ASB1: variants seen among roughly 807,000 people sequenced by gnomAD.
The protein encoded by ASB1 is ankyrin repeat and SOCS box containing 1, also known as ankyrin repeat and SOCS box protein 1.
Under a neutral mutation model 27.7 loss-of-function variants are expected in ASB1, and 18 were observed. The observed-to-expected ratio is 0.65, with a 90% CI of 0.45 to 0.96. ASB1 has a LOEUF of 0.96. Ranked by LOEUF, ASB1 falls within the 50% of genes least tolerant of loss-of-function variation. ASB1 has a pLI of 0.00. For missense variants in ASB1, 397 were observed against 451.7 expected (o/e 0.88, Z 1.10); for synonymous variants, 189 against 187.6 (o/e 1.01, Z -0.06).
chr2:238,432,774 T>A (rs964488586), intron 1 of ASB1, among the ~76,000 whole-genome samples: 5 of 151,750 alleles, frequency 3.3e-5, no homozygotes, highest in African/African-American at 1.2e-4. Context: ...TGAGACCGAG[T>A]CTCACTCAGT....
At chr2:238,445,006 G>T (rs529490011) in intron 4 of ASB1, among the ~76,000 whole-genome samples, 1 of 134,832 alleles carries the variant, frequency 7.4e-6, no homozygotes, top group African/African-American at 2.7e-5. Flanking sequence ...TTTTGAGGCA[G>T]GGTCTGGTTC....
chr2:238,432,173 C>G (rs909697904), intron 1 of ASB1, among the ~76,000 whole-genome samples: 3 of 152,236 alleles, frequency 2.0e-5, no homozygotes, highest in African/African-American at 7.2e-5. Context: ...GTTCTGTTAC[C>G]TAGTAGGGTA....
chr2:238,435,621 C>A, intron 2 of ASB1, 90 bp from the exon 3 acceptor site: 1 of 1,341,814 alleles, frequency 7.5e-7, no homozygotes, highest in Non-Finnish European at 1.0e-6. Flanking sequence ...AGAGGGGGAC[C>A]GTGTCCATGC....
intron 2 of ASB1, among the ~76,000 whole-genome samples, 161 bp from the exon 3 acceptor site, chr2:238,435,550 C>T (rs573141559): frequency 7.4e-4 from 112 of 152,186 alleles, no homozygotes; most frequent in Non-Finnish European, 1.4e-3. Flanking sequence ...GCCCCGGTCC[C>T]GCAGGGGAAA....
chr2:238,440,482 T>G (rs112684208), intron 3 of ASB1, among the ~76,000 whole-genome samples: 3 of 152,322 alleles, frequency 2.0e-5, no homozygotes, highest in African/African-American at 7.2e-5. Context: ...CTCCACATAC[T>G]GCCTGTGTTG....
Position 238,446,778 on chromosome 2 carries a change from T to A in ASB1, c.*267T>A. 2.3e-6 allele frequency: 1 copy of A among 439,328 alleles called. No individual in the cohort carries two copies. The highest frequency in any genetic ancestry group is 5.1e-5 in the East Asian group (1 of 19,518). The allele number at this position is 439,328 out of a possible 1,614,324, so 27.2% of individuals were successfully genotyped here. ...AGTTGCATATTAATGTAACGGGCCA[T>A]GGGGTATGTACATGTAGGGGCTGAG... On this transcript the variant is annotated 3_prime_UTR_variant, in exon 5 of 5. Coordinates refer to ENST00000264607, the MANE Select transcript of ASB1 (RefSeq NM_001040445.3).
rs756136114 is a variant in ASB1 at position 238,446,375 on chromosome 2, G to A, written c.881-9G>A. 55 of 1,583,070 alleles carry A rather than the reference G, an allele frequency of 3.5e-5. No homozygotes were observed. Among genetic ancestry groups the A allele is most frequent in the Non-Finnish European group, 4.2e-5 (49 of 1,166,380 alleles). ...CCTCTATCCCTCTCTTTCTTCCCAC[G>A]GCCTTCAGGTGTTCCCAGAACCTTG... is the stretch of plus-strand genomic sequence containing the variant. On this transcript the variant is annotated splice_polypyrimidine_tract_variant and intron_variant, in intron 4 of 4. Coordinates refer to ENST00000264607, the MANE Select transcript of ASB1 (RefSeq NM_001040445.3).
chr2:238,445,413 C>T (rs1335602278), intron 4 of ASB1, among the ~76,000 whole-genome samples: 2 of 152,214 alleles, frequency 1.3e-5, no homozygotes, highest in Non-Finnish European at 2.9e-5. Context: ...GTTCCTTACT[C>T]TCCTTTCTTC....
chr2:238,442,277 A>G (rs1702092502), intron 3 of ASB1, among the ~76,000 whole-genome samples: 1 of 151,820 alleles, frequency 6.6e-6, no homozygotes, highest in South Asian at 2.1e-4. Context: ...ACACCCGGCT[A>G]ATTTTTGTGT....
At chr2:238,442,914 A>G (rs773681714) in intron 3 of ASB1, among the ~76,000 whole-genome samples, 7 of 152,226 alleles carry the variant, frequency 4.6e-5, no homozygotes, top group Non-Finnish European at 1.0e-4. Context: ...TTTTGTTCAC[A>G]TACCAGTGCC....
At chr2:238,432,056 T>C (rs901772588) in intron 1 of ASB1, among the ~76,000 whole-genome samples, 1 of 152,204 alleles carries the variant, frequency 6.6e-6, no homozygotes, top group Non-Finnish European at 1.5e-5. Flanking sequence ...CGTGTGAAGC[T>C]TGATAAAGTG....
intron 3 of ASB1, among the ~76,000 whole-genome samples, chr2:238,439,169 C>T (rs1005046217): frequency 2.0e-5 from 3 of 152,176 alleles, no homozygotes; most frequent in Admixed American, 6.5e-5. Flanking sequence ...ATATCAATTT[C>T]TTGTTGGCTC....
chr2:238,444,474 G>T lies in ASB1; in HGVS notation c.627G>T (p.Arg209=), dbSNP rs1702138700. The change falls in exon 4 of 5, where the codon CGG becomes CGT. Residue 209 remains arginine, a synonymous_variant. Coordinates refer to ENST00000264607, the MANE Select transcript of ASB1 (RefSeq NM_001040445.3). ...CCTACCACAACCTCCAGTGCTTCCG[G>T]CTGCTCCTCCTGGCTGGCGCGAACC... ...SAAYHNLQCF[R]LLLLAGANPD... is the part of the protein sequence containing the mutation. 1 of 1,614,220 alleles carries T rather than the reference G, an allele frequency of 6.2e-7. No individual in the cohort carries two copies. The highest frequency in any genetic ancestry group is 8.5e-7 in the Non-Finnish European group (1 of 1,180,048).
chr2:238,435,562 G>C, intron 2 of ASB1, 149 bp from the exon 3 acceptor site: 1 of 800,172 alleles, frequency 1.2e-6, no homozygotes, highest in Non-Finnish European at 1.9e-6. Flanking sequence ...CAGGGGAAAG[G>C]TGTGAGAGCA....
chr2:238,437,362 G>A (rs966365779), intron 3 of ASB1, among the ~76,000 whole-genome samples: 27 of 152,164 alleles, frequency 1.8e-4, no homozygotes, highest in African/African-American at 6.3e-4. Flanking sequence ...CTCCTGAGTA[G>A]CTGGGACTAC....
chr2:238,449,792 A>G lies in ASB1; in HGVS notation c.*3281A>G, dbSNP rs1405094449. 6.6e-6 allele frequency: 1 copy of G among 152,348 alleles called. No homozygotes were observed. Among genetic ancestry groups the G allele is most frequent in the Non-Finnish European group, 1.5e-5 (1 of 68,036 alleles). 9.4% of individuals were successfully genotyped at this position (152,348 alleles called of 1,614,324 possible). On this transcript the variant is annotated 3_prime_UTR_variant, in exon 5 of 5. Coordinates refer to ENST00000264607, the MANE Select transcript of ASB1 (RefSeq NM_001040445.3). Reference sequence around the variant, plus strand: ...ACAGGTAATTTTAAAGAGAAGGAACAATTGTTTTTAGTAAGTTTTCTTTTT... The same window carrying G: ...ACAGGTAATTTTAAAGAGAAGGAACGATTGTTTTTAGTAAGTTTTCTTTTT...
chr2:238,439,833 C>T (rs72987315), intron 3 of ASB1, among the ~76,000 whole-genome samples: 11,360 of 152,178 alleles, frequency 0.075, 614 homozygotes, highest in Non-Finnish European at 0.11. Context: ...TGCCATGTTT[C>T]GCTCCCGTAA....
At chr2:238,432,541 C>T (rs1257674439) in intron 1 of ASB1, among the ~76,000 whole-genome samples, 47 of 152,168 alleles carry the variant, frequency 3.1e-4, no homozygotes, top group Admixed American at 3.1e-3. Flanking sequence ...TTGCCCAGGG[C>T]AGCGTGGGAG....
intron 3 of ASB1, among the ~76,000 whole-genome samples, chr2:238,442,223 A>G (rs1017296917): frequency 8.6e-5 from 13 of 151,882 alleles, no homozygotes; most frequent in Non-Finnish European, 1.5e-4. Context: ...GGTTGAAGCA[A>G]TTCTGCCTCA....
Sources: allele counts gnomAD v4.1 joint callset (sites outside exome capture counted in the v4.1 genomes callset), GRCh38; gene constraint gnomAD v4.1.1; transcripts MANE v1.5; gene names NCBI Gene and HGNC (gene_info 2026-07-23, HGNC 2026-07-21).